Variants in GRAMD1B observed in about 807,000 individuals in gnomAD.
GRAMD1B encodes GRAM domain containing 1B.
In GRAMD1B, 37 loss-of-function variants were observed where a neutral mutation model predicts 99.7. That is an observed-to-expected ratio of 0.37 (90% CI 0.29 to 0.49). The LOEUF (loss-of-function observed/expected upper bound fraction) is 0.49, where lower values mean the gene tolerates loss of function less well. GRAMD1B is among the 20% of genes least tolerant of loss of function. The pLI is 0.98. For missense variants in GRAMD1B, 888 were observed against 1,009.2 expected, an observed-to-expected ratio of 0.88 and a Z score of 1.63; for synonymous variants, 427 against 387.6, an observed-to-expected ratio of 1.10 and a Z score of -1.19.
intron 18 of GRAMD1B, 71 bp from the exon 19 acceptor site, chr11:123,619,036 G>A: frequency 1.2e-6 from 1 of 834,890 alleles, no homozygotes; most frequent in South Asian, 1.6e-5. Flanking sequence ...GTCCTTTAGG[G>A]GTCTGGGAGC....
intron 1 of GRAMD1B, among the ~76,000 whole-genome samples, chr11:123,365,777 C>T (rs181941906): frequency 6.6e-6 from 1 of 152,272 alleles, no homozygotes; most frequent in East Asian, 1.9e-4. Context: ...TAGGTTTTGA[C>T]ATGTTACTCA....
rs1384413600 is a variant in GRAMD1B at position 123,618,538 on chromosome 11, C to G, written c.2319-155C>G. On this transcript the variant is annotated intron_variant, in intron 17 of 19. Coordinates refer to ENST00000635736, the MANE Select transcript of GRAMD1B (RefSeq NM_001387025.1). ...CCCATCCAGATTAGGTTGCTTCTCT[C>G]TCTCTCTCCCTTGCTCCATCCCTCC... is the stretch of plus-strand genomic sequence containing the variant. 1.1e-5 allele frequency: 9 copies of G among 812,870 alleles called. No homozygotes were observed. In the African/African-American group the frequency reaches 1.5e-4, roughly 14 times the overall value. The allele number at this position is 812,870 out of a possible 1,614,324, so 50.4% of individuals were successfully genotyped here.
At chr11:123,576,631 G>A (rs566324671) in intron 2 of GRAMD1B, among the ~76,000 whole-genome samples, 1 of 152,304 alleles carries the variant, frequency 6.6e-6, no homozygotes, top group Admixed American at 6.5e-5. Context: ...ATAAATGTTG[G>A]GGTAAGGGAA....
At chr11:123,549,270 C>T (rs1171053114) in intron 2 of GRAMD1B, among the ~76,000 whole-genome samples, 1 of 152,030 alleles carries the variant, frequency 6.6e-6, no homozygotes, top group East Asian at 1.9e-4. Flanking sequence ...GGGGGCCGGG[C>T]GCAGCAGCTC....
chr11:123,479,246 A>C (rs1951459980), intron 1 of GRAMD1B, among the ~76,000 whole-genome samples: 1 of 152,184 alleles, frequency 6.6e-6, no homozygotes, highest in Admixed American at 6.5e-5. Flanking sequence ...TCTGTGTTTG[A>C]AAATTGGATG....
chr11:123,414,621 C>T (rs970895165), intron 1 of GRAMD1B, among the ~76,000 whole-genome samples: 18 of 152,268 alleles, frequency 1.2e-4, no homozygotes, highest in African/African-American at 4.3e-4. Flanking sequence ...TAGCTCTCGC[C>T]ACCTTCCAAC....
intron 2 of GRAMD1B, among the ~76,000 whole-genome samples, chr11:123,502,334 G>C (rs762454711): frequency 6.6e-6 from 1 of 152,144 alleles, no homozygotes; most frequent in Non-Finnish European, 1.5e-5. Context: ...TGATGCAAAC[G>C]TGCATGTCCC....
In GRAMD1B at chr11:123,494,952, T is replaced by C. The variant is rs138639502; in HGVS notation, c.452+14059T>C. On this transcript the variant is annotated intron_variant, in intron 2 of 19. Transcript: ENST00000635736. Reference sequence around the variant, plus strand: ...ATAAACTGCTGGGTTCTCTTTTCAATCACTCACTGATTAATCATGTAAGCT... The same window carrying C: ...ATAAACTGCTGGGTTCTCTTTTCAACCACTCACTGATTAATCATGTAAGCT... Among the ~76,000 whole-genome samples the C allele has an allele frequency of 8.6e-3, 1,302 of 152,262 alleles. 6 individuals are homozygous for C. Among genetic ancestry groups the C allele is most frequent in the Non-Finnish European group, 0.013 (910 of 68,018 alleles).
At chr11:123,609,289 G>A (rs1387938246) in intron 12 of GRAMD1B, among the ~76,000 whole-genome samples, 3 of 152,102 alleles carry the variant, frequency 2.0e-5, no homozygotes, top group East Asian at 1.9e-4. Context: ...AGGATCTGGG[G>A]GTTCATGCTT....
intron 2 of GRAMD1B, among the ~76,000 whole-genome samples, chr11:123,561,826 A>G (rs1479658317): frequency 6.6e-6 from 1 of 152,188 alleles, no homozygotes; most frequent in African/African-American, 2.4e-5. Flanking sequence ...AACCAAGATG[A>G]AAAAAGCTGG....
At chr11:123,540,491 T>C (rs1346230147) in intron 2 of GRAMD1B, among the ~76,000 whole-genome samples, 2 of 152,232 alleles carry the variant, frequency 1.3e-5, no homozygotes, top group Admixed American at 1.3e-4. Flanking sequence ...TGCATTTGTA[T>C]AGTATTTTTG....
intron 2 of GRAMD1B, among the ~76,000 whole-genome samples, chr11:123,514,202 A>G (rs1012927001): frequency 1.3e-5 from 2 of 152,174 alleles, no homozygotes; most frequent in Non-Finnish European, 1.5e-5. Context: ...GAATTACTTG[A>G]CTGGGCAGTT....
chr11:123,436,915 C>T (rs1037578391), intron 1 of GRAMD1B, among the ~76,000 whole-genome samples: 1 of 152,150 alleles, frequency 6.6e-6, no homozygotes, highest in African/African-American at 2.4e-5. Flanking sequence ...CACCCTACCC[C>T]ACAACAGGCC....
chr11:123,371,113 G>A (rs552378053), intron 1 of GRAMD1B, among the ~76,000 whole-genome samples: 3 of 151,920 alleles, frequency 2.0e-5, no homozygotes, highest in South Asian at 2.1e-4. Flanking sequence ...TGGAGAAAAC[G>A]TGGCTTCAGC....
chr11:123,517,880 G>A (rs1222122172), intron 2 of GRAMD1B, among the ~76,000 whole-genome samples: 5 of 152,196 alleles, frequency 3.3e-5, no homozygotes, highest in Admixed American at 1.3e-4. Flanking sequence ...ACAACAGGAA[G>A]CAGCTGGCTG....
At chr11:123,371,470 C>T (rs921280583) in intron 1 of GRAMD1B, among the ~76,000 whole-genome samples, 1 of 152,112 alleles carries the variant, frequency 6.6e-6, no homozygotes, top group Admixed American at 6.5e-5. Flanking sequence ...TGTCACAATG[C>T]CTTACAATAA....
intron 1 of GRAMD1B, among the ~76,000 whole-genome samples, chr11:123,378,176 CATTG>C (rs1310211384): frequency 1.3e-5 from 2 of 152,182 alleles, no homozygotes; most frequent in Admixed American, 6.5e-5. Context: ...GGCTTGAAGA[CATTG>C]ATTAACTTAC....
rs942438734 is a variant in GRAMD1B, at chr11:123,591,700, G to T, written c.685-2382G>T. Among the ~76,000 whole-genome samples the T allele has an allele frequency of 2.0e-5, 3 of 152,200 alleles. No individual in the cohort carries two copies. Among genetic ancestry groups the T allele is most frequent in the Admixed American group, 6.5e-5 (1 of 15,282 alleles). The stretch of plus-strand genomic sequence containing the variant: ...ATAGGTGAGCCAGGCCCCGCCTTTG[G>T]GGGTGGAGGAGGGAGAGGGCTGGGG... On this transcript the variant is annotated intron_variant, in intron 4 of 19. Coordinates refer to ENST00000635736, the MANE Select transcript of GRAMD1B (RefSeq NM_001387025.1). The surrounding 1 kb of genome is among the most constrained non-coding windows in gnomAD (Gnocchi z 4.7).
At chr11:123,398,949 A>G (rs1023622307) in intron 1 of GRAMD1B, among the ~76,000 whole-genome samples, 1 of 152,188 alleles carries the variant, frequency 6.6e-6, no homozygotes, top group African/African-American at 2.4e-5. Flanking sequence ...AGGAAACAAC[A>G]TAATATCTAC....
Sources: gnomAD v4.1 joint callset for allele counts (sites outside exome capture counted in the v4.1 genomes callset) on GRCh38, gnomAD v4.1.1 for gene constraint, Gnocchi (gnomAD v3.1) non-coding constraint, MANE v1.5 for transcripts, NCBI Gene and HGNC (gene_info 2026-07-23, HGNC 2026-07-21) for gene names.